Variants in EIF2D observed in about 807,000 individuals in gnomAD.
EIF2D encodes eukaryotic translation initiation factor 2D, also known as hepatocellular carcinoma-associated antigen 56.
In EIF2D, 56 loss-of-function variants were observed where a neutral mutation model predicts 77.4. The ratio of observed to expected loss-of-function variants is 0.72; its 90% confidence interval spans 0.58 to 0.90. The LOEUF is 0.90. Among genes scored for constraint, EIF2D ranks in the 40% least tolerant of loss-of-function variants. The pLI is 0.00. For missense variants in EIF2D, 574 were observed against 706.5 expected (o/e 0.81, Z 2.13); for synonymous variants, 230 against 271.0 (o/e 0.85, Z 1.49).
intron 3 of EIF2D, among the ~76,000 whole-genome samples, chr1:206,608,912 C>T (rs1439281362): frequency 1.3e-5 from 2 of 152,156 alleles, no homozygotes; most frequent in African/African-American, 2.4e-5. Flanking sequence ...ATTAGCCAGG[C>T]GTGGTGATGC....
Position 206,592,472 on chromosome 1 carries a change from T to C in EIF2D, c.1685-627A>G, listed in dbSNP as rs1553409111. 6.6e-6 allele frequency among the ~76,000 whole-genome samples: 1 copy of C among 152,146 alleles called. No individual in the cohort carries two copies. The highest frequency in any genetic ancestry group is 2.4e-5 in the African/African-American group (1 of 41,442). On this transcript the variant is annotated intron_variant, in intron 14 of 14. Transcript: ENST00000271764. This position sits in a 1 kb window ranked among gnomAD's most constrained non-coding sequence, Gnocchi z 4.7. Reference sequence around the variant, plus strand: ...AGGTGGGCTTGGGCGTGGGAGGGCATCTTAGGCAAGGGGATAGCCCAGGCG... The same window carrying C: ...AGGTGGGCTTGGGCGTGGGAGGGCACCTTAGGCAAGGGGATAGCCCAGGCG...
At position 206,599,708 on chromosome 1, in the gene EIF2D, A is replaced by G. The variant is rs782791486; in HGVS notation, c.1052+25T>C. ...CAGGTGCCCTGGGGCCAGCTGGGCT[A>G]CAGTGACAGGCCCCCTGCACTCACC... On this transcript the variant is annotated intron_variant, in intron 9 of 14. Transcript: ENST00000271764. This position sits in a 1 kb window ranked among gnomAD's most constrained non-coding sequence, Gnocchi z 4.1. The G allele has an allele frequency of 1.9e-6, 3 of 1,613,852 alleles. No homozygotes were observed. In the South Asian group the frequency reaches 3.3e-5, roughly 18 times the overall value.
chr1:206,603,316 G>A lies in EIF2D; in HGVS notation c.531-112C>T. 3 of 1,444,140 alleles carry A rather than the reference G, an allele frequency of 2.1e-6. No homozygotes were observed. The South Asian group carries it at 4.1e-5, about 20-fold the overall frequency. 89.5% of individuals were successfully genotyped at this position (1,444,140 alleles called of 1,614,324 possible). On this transcript the variant is annotated intron_variant, in intron 5 of 14. Transcript: ENST00000271764. ...GACAGCAGAGAGCCAACAGGCAGGA[G>A]TGGCCAGGAGGGGGCAGAGAGCCTG...
intron 4 of EIF2D, among the ~76,000 whole-genome samples, chr1:206,575,470 GAT>G (rs201392129): frequency 2.1e-3 from 326 of 152,302 alleles, no homozygotes; most frequent in African/African-American, 7.6e-3. Context: ...GCTTGGCTAA[GAT>G]AGAGTCTTGC....
intron 2 of EIF2D, chr1:206,583,384 G>A: frequency 6.2e-7 from 1 of 1,600,506 alleles, no homozygotes; most frequent in Non-Finnish European, 8.6e-7. Flanking sequence ...AAACTGGTAA[G>A]CGCCCGTCCA....
chr1:206,594,480 ATTCT>A (rs1389537677), intron 13 of EIF2D: 1 of 152,224 alleles, frequency 6.6e-6, no homozygotes, highest in Non-Finnish European at 1.5e-5. Context: ...TTTAAAACAA[ATTCT>A]TTCTCATTCA....
Position 206,599,435 on chromosome 1 carries a change from A to G in EIF2D, c.1202+28T>C. The G allele has an allele frequency of 6.2e-7, 1 of 1,611,232 alleles. No individual in the cohort carries two copies. Among genetic ancestry groups the G allele is most frequent in the Non-Finnish European group, 8.5e-7 (1 of 1,179,046 alleles). On this transcript the variant is annotated intron_variant, in intron 10 of 14. Coordinates refer to ENST00000271764, the MANE Select transcript of EIF2D (RefSeq NM_006893.3). This position sits in a 1 kb window ranked among gnomAD's most constrained non-coding sequence, Gnocchi z 4.1. ...CTGTAGGCCAGAACACCAAGCAGGC[A>G]GAGAAGGGCTGCTCTCCAAAAACTC...
intron 2 of EIF2D, chr1:206,585,399 G>T: frequency 1.2e-6 from 1 of 809,790 alleles, no homozygotes. Context: ...CACGCAGCAC[G>T]GGCAGGAAGG....
intron 4 of EIF2D, among the ~76,000 whole-genome samples, chr1:206,607,830 T>C (rs979129547): frequency 1.3e-5 from 2 of 152,188 alleles, no homozygotes; most frequent in Admixed American, 6.5e-5. Flanking sequence ...ATAAAGTCTG[T>C]AGTTTAGTTA....
At position 206,584,503 on chromosome 1, in the gene EIF2D, C is replaced by T. The variant is rs782184864; in HGVS notation, c.139-3341G>A. ...TCTATGATGCCATCAAGGAGGTGAA[C>T]CTGGCGGCTACCACGGACAAGCGGA... On this transcript the variant is annotated intron_variant and NMD_transcript_variant, in intron 2 of 5. Transcript: ENST00000472709. The surrounding 1 kb of genome is among the most constrained non-coding windows in gnomAD (Gnocchi z 4.9). 6.2e-7 allele frequency: 1 copy of T among 1,613,970 alleles called. No individual in the cohort carries two copies. Among genetic ancestry groups the T allele is most frequent in the Non-Finnish European group, 8.5e-7 (1 of 1,180,002 alleles).
chr1:206,608,843 G>A (rs1670326857), intron 3 of EIF2D, among the ~76,000 whole-genome samples: 1 of 152,218 alleles, frequency 6.6e-6, no homozygotes, highest in South Asian at 2.1e-4. Flanking sequence ...CTTGAGGTCA[G>A]AAGTTCGAGA....
downstream of EIF2D, chr1:206,588,466 G>GACTT (rs1436166950): frequency 6.6e-6 from 1 of 152,346 alleles, no homozygotes; most frequent in Admixed American, 6.5e-5. Flanking sequence ...GAGGGAGAAG[G>GACTT]ACTTGTAATT....
intron 6 of EIF2D, 139 bp downstream of exon 6, chr1:206,602,812 G>T: frequency 7.9e-7 from 1 of 1,264,362 alleles, no homozygotes; most frequent in Non-Finnish European, 1.1e-6. Flanking sequence ...GGGCTGCTGC[G>T]CCACCCTCAC....
rs147816018 is a variant in EIF2D at position 206,596,010 on chromosome 1, GTA to G, written c.1389-174_1389-173del. Among the ~76,000 whole-genome samples the G allele has an allele frequency of 4.7e-3, 721 of 152,312 alleles. 8 individuals are homozygous for G. Among genetic ancestry groups the G allele is most frequent in the African/African-American group, 0.017 (699 of 41,556 alleles). ...GCTACAGCCCAGATCAATGAAATCT[GTA>G]TCTCTGACTAGGGCTATGTATTTTT... is the stretch of plus-strand genomic sequence containing the variant. On this transcript the variant is annotated intron_variant, in intron 12 of 14. Transcript: ENST00000271764.
chr1:206,570,392 C>T (rs1668409843), downstream of EIF2D, among the ~76,000 whole-genome samples: 1 of 152,108 alleles, frequency 6.6e-6, no homozygotes, highest in Non-Finnish European at 1.5e-5. Context: ...CTGCACCCAG[C>T]CAAAATGTAC....
chr1:206,609,098 G>A (rs1285649416), intron 3 of EIF2D, among the ~76,000 whole-genome samples: 1 of 152,038 alleles, frequency 6.6e-6, no homozygotes, highest in Non-Finnish European at 1.5e-5. Flanking sequence ...AACATGATCT[G>A]TCTTGTCCTA....
At position 206,608,127 on chromosome 1, in the gene EIF2D, G is replaced by A. The variant is rs994570252; in HGVS notation, c.422+109C>T. 1.2e-5 allele frequency: 13 copies of A among 1,059,502 alleles called. 1 individual carries two copies. The Middle Eastern group carries it at 2.1e-3, about 170-fold the overall frequency. The allele number at this position is 1,059,502 out of a possible 1,614,324, so 65.6% of individuals were successfully genotyped here. ...GGCCCACTCTGCTTCTTCCAAAACC[G>A]ATTTTTGCTTTCACTCTTTTGTTCA... On this transcript the variant is annotated intron_variant, in intron 4 of 14. Transcript: ENST00000271764.
intron 14 of EIF2D, 33 bp from the exon 15 acceptor site, chr1:206,591,878 A>G: frequency 6.2e-7 from 1 of 1,611,288 alleles, no homozygotes; most frequent in Non-Finnish European, 8.5e-7. Context: ...TCCTCAGCGG[A>G]GCATGACCTT....
Position 206,605,392 on chromosome 1 carries a change from G to A in EIF2D, c.530+8C>T. The A allele has an allele frequency of 6.2e-7, 1 of 1,611,298 alleles. No homozygotes were observed. Among genetic ancestry groups the A allele is most frequent in the South Asian group, 1.1e-5 (1 of 90,910 alleles). On this transcript the variant is annotated splice_region_variant and intron_variant, in intron 5 of 14. Coordinates refer to ENST00000271764, the MANE Select transcript of EIF2D (RefSeq NM_006893.3). Reference sequence around the variant, plus strand: ...TTCTCTGTAAAACAGAAGAAACTCTGTACCCACCACAAGTGGTCCTGGTAA... The same window carrying A: ...TTCTCTGTAAAACAGAAGAAACTCTATACCCACCACAAGTGGTCCTGGTAA...
Sources: allele counts gnomAD v4.1 joint callset (sites outside exome capture counted in the v4.1 genomes callset), GRCh38; gene constraint gnomAD v4.1.1; non-coding constraint Gnocchi (gnomAD v3.1); transcripts MANE v1.5; gene names NCBI Gene and HGNC (gene_info 2026-07-23, HGNC 2026-07-21).